Variants in DCC observed in about 807,000 individuals in gnomAD.
DCC encodes the protein DCC netrin 1 receptor.
A neutral mutation model predicts 172.5 loss-of-function variants in DCC; 58 were observed. The ratio of observed to expected loss-of-function variants is 0.34; its 90% CI spans 0.27 to 0.42. The LOEUF (loss-of-function observed/expected upper bound fraction) is 0.42, where lower values mean the gene tolerates loss of function less well. Among genes scored for constraint, DCC ranks in the 10% least tolerant of loss-of-function variants. DCC has a pLI of 1.00. For missense variants in DCC, 1,740 were observed against 1,791.0 expected, an observed-to-expected ratio of 0.97 and a Z score of 0.51; for synonymous variants, 709 against 644.5, an observed-to-expected ratio of 1.10 and a Z score of -1.52.
intron 5 of DCC, among the ~76,000 whole-genome samples, chr18:52,985,004 A>G (rs994972371): frequency 6.6e-6 from 1 of 152,240 alleles, no homozygotes; most frequent in East Asian, 1.9e-4. Context: ...TAATCACTTA[A>G]TCACCACTTA....
chr18:52,451,687 T>A (rs996163599), intron 1 of DCC, among the ~76,000 whole-genome samples: 2 of 151,828 alleles, frequency 1.3e-5, no homozygotes, highest in Non-Finnish European at 2.9e-5. Flanking sequence ...TGTGTGTGTA[T>A]GTATGTGTGT....
At chr18:52,644,414 T>TA (rs902752408) in intron 1 of DCC, among the ~76,000 whole-genome samples, 1 of 151,778 alleles carries the variant, frequency 6.6e-6, no homozygotes, top group African/African-American at 2.4e-5. Context: ...CCGTCTCTAC[T>TA]AAAAAATACA....
chr18:53,207,644 T>C (rs1018550718), intron 10 of DCC, 35 bp from the exon 11 acceptor site: 1 of 1,603,196 alleles, frequency 6.2e-7, no homozygotes. Flanking sequence ...TTAATGTGCT[T>C]CCTTGATAAC....
At chr18:53,223,834 A>T (rs184443983) in intron 12 of DCC, among the ~76,000 whole-genome samples, 1 of 152,320 alleles carries the variant, frequency 6.6e-6, no homozygotes, top group East Asian at 1.9e-4. Context: ...TATTTTAGTC[A>T]ATATTCTAGA....
chr18:52,867,156 G>C (rs2145373021), intron 2 of DCC, among the ~76,000 whole-genome samples: 1 of 152,290 alleles, frequency 6.6e-6, no homozygotes, highest in South Asian at 2.1e-4. Context: ...TTTGTCATTG[G>C]TTCTGTTTAT....
intron 15 of DCC, among the ~76,000 whole-genome samples, chr18:53,373,626 C>G (rs1425217871): frequency 6.6e-6 from 1 of 152,108 alleles, no homozygotes; most frequent in Admixed American, 6.6e-5. Flanking sequence ...TTACTGTCAT[C>G]TTAGAATTAT....
intron 1 of DCC, among the ~76,000 whole-genome samples, chr18:52,501,303 G>A (rs2031008576): frequency 1.3e-5 from 2 of 152,058 alleles, no homozygotes; most frequent in African/African-American, 2.4e-5. Context: ...ATAGTAAATC[G>A]TGCAACAAAT....
intron 3 of DCC, among the ~76,000 whole-genome samples, chr18:52,909,944 G>A (rs1222741025): frequency 6.6e-6 from 1 of 152,140 alleles, no homozygotes; most frequent in African/African-American, 2.4e-5. Flanking sequence ...TGGAAAAAGA[G>A]CAGCACGTGA....
At chr18:53,154,167 T>C (rs1010457186) in intron 7 of DCC, among the ~76,000 whole-genome samples, 8 of 152,116 alleles carry the variant, frequency 5.3e-5, no homozygotes, top group East Asian at 1.9e-4. Context: ...CTCTGAGGGA[T>C]GAATAACTCT....
intron 1 of DCC, among the ~76,000 whole-genome samples, chr18:52,494,264 ATGTG>A (rs10633986): frequency 0.18 from 26,956 of 147,434 alleles, 2,992 homozygotes; most frequent in Non-Finnish European, 0.25. Context: ...ATGGTTTGTG[ATGTG>A]TGTGTGTGTG....
At chr18:53,472,999 C>G (rs1279170261) in intron 25 of DCC, among the ~76,000 whole-genome samples, 1 of 152,098 alleles carries the variant, frequency 6.6e-6, no homozygotes, top group Non-Finnish European at 1.5e-5. Flanking sequence ...TTTGTTTTTT[C>G]CCTTTACATA....
At chr18:53,090,916 C>G (rs1458770954) in intron 7 of DCC, among the ~76,000 whole-genome samples, 3 of 151,676 alleles carry the variant, frequency 2.0e-5, no homozygotes, top group Non-Finnish European at 4.4e-5. Flanking sequence ...TACCCTTGTT[C>G]TATAGAAGCA....
At position 53,236,551 on chromosome 18, in the gene DCC, G is replaced by A. The variant is rs185612834; in HGVS notation, c.1911+20954G>A. 3.1e-3 allele frequency among the ~76,000 whole-genome samples: 479 copies of A among 152,094 alleles called. 2 individuals are homozygous for A. Among genetic ancestry groups the A allele is most frequent in the African/African-American group, 0.011 (451 of 41,534 alleles). On this transcript the variant is annotated intron_variant, in intron 12 of 28. Transcript: ENST00000442544. ...TATTGTTAGTATTTTATACAAATTG[G>A]CGGCTTACCTTTTTACTTTTTTAAT...
At chr18:52,511,710 C>T (rs904040645) in intron 1 of DCC, among the ~76,000 whole-genome samples, 2 of 152,196 alleles carry the variant, frequency 1.3e-5, no homozygotes, top group African/African-American at 2.4e-5. Context: ...AGTTCACCGA[C>T]ATTTTAATCT....
chr18:53,169,242 G>C (rs1427342402), intron 8 of DCC, among the ~76,000 whole-genome samples: 1 of 152,180 alleles, frequency 6.6e-6, no homozygotes, highest in Non-Finnish European at 1.5e-5. Context: ...CATGCTTTTA[G>C]AGTAGAAACA....
intron 5 of DCC, among the ~76,000 whole-genome samples, chr18:52,951,413 C>A (rs1488236455): frequency 6.6e-6 from 1 of 152,092 alleles, no homozygotes; most frequent in Non-Finnish European, 1.5e-5. Context: ...AGATATTTGT[C>A]CTAATGCTCT....
intron 1 of DCC, among the ~76,000 whole-genome samples, chr18:52,720,806 A>T (rs1042688580): frequency 6.6e-6 from 1 of 152,184 alleles, no homozygotes; most frequent in Non-Finnish European, 1.5e-5. Context: ...TGTTTGATGT[A>T]CTAGGTGCAC....
intron 1 of DCC, among the ~76,000 whole-genome samples, chr18:52,557,420 C>T (rs571752294): frequency 6.6e-5 from 10 of 152,166 alleles, no homozygotes; most frequent in Non-Finnish European, 1.5e-4. Flanking sequence ...ATGATTGACA[C>T]AAGTCTGGCA....
At chr18:52,410,165 T>A (rs1333540453) in intron 1 of DCC, among the ~76,000 whole-genome samples, 1 of 152,170 alleles carries the variant, frequency 6.6e-6, no homozygotes, top group African/African-American at 2.4e-5. Context: ...GACTCATGCC[T>A]GTCATCCCAG....
Sources: gnomAD v4.1 joint callset for allele counts (sites outside exome capture counted in the v4.1 genomes callset) on GRCh38, gnomAD v4.1.1 for gene constraint, MANE v1.5 for transcripts, NCBI Gene and HGNC (gene_info 2026-07-23, HGNC 2026-07-21) for gene names.